SCUBE1: variants seen among roughly 807,000 people sequenced by gnomAD.
The protein encoded by SCUBE1 is signal peptide, CUB and EGF-like domain-containing protein 1.
SCUBE1 carries 59 observed loss-of-function variants against 124.4 expected under a neutral mutation model. That is an observed-to-expected ratio of 0.47 (90% CI 0.38 to 0.59). The LOEUF (loss-of-function observed/expected upper bound fraction) is 0.59. SCUBE1 is among the 20% of genes least tolerant of loss of function. SCUBE1 has a pLI of 0.00. For missense variants in SCUBE1, 1,150 were observed against 1,371.2 expected (o/e 0.84, Z 2.55); for synonymous variants, 545 against 550.9 (o/e 0.99, Z 0.15).
In SCUBE1 at chr22:43,233,063, T is replaced by C. The variant is rs540544127; in HGVS notation, c.845-1188A>G. Among the ~76,000 whole-genome samples the C allele has an allele frequency of 3.3e-5, 5 of 152,288 alleles. No individual in the cohort carries two copies. In the South Asian group the frequency reaches 1.0e-3, roughly 32 times the overall value. ...TTTTATTTCTACACTGCAGGGTGGC[T>C]TAAAAAAATAATCAGTGCTGGCCGG... On this transcript the variant is annotated intron_variant, in intron 7 of 21. Coordinates refer to ENST00000360835, the MANE Select transcript of SCUBE1 (RefSeq NM_173050.5).
chr22:43,283,961 G>A (rs1925028460), intron 4 of SCUBE1: 1 of 152,210 alleles, frequency 6.6e-6, no homozygotes, highest in African/African-American at 2.4e-5. Flanking sequence ...TTAACCAGAG[G>A]TCATCCAGCA....
chr22:43,286,292 C>A (rs1010255216), intron 4 of SCUBE1, among the ~76,000 whole-genome samples: 1 of 152,274 alleles, frequency 6.6e-6, no homozygotes, highest in Non-Finnish European at 1.5e-5. Flanking sequence ...CATGGTAGAG[C>A]TGGGGTTCCA....
intron 2 of SCUBE1, among the ~76,000 whole-genome samples, chr22:43,335,964 GTGA>G (rs1208409315): frequency 1.3e-5 from 2 of 150,046 alleles, no homozygotes; most frequent in African/African-American, 2.5e-5. Flanking sequence ...AATGATGATG[GTGA>G]TGATGATGAT....
chr22:43,322,086 G>A (rs1221762042), intron 2 of SCUBE1, among the ~76,000 whole-genome samples: 1 of 152,122 alleles, frequency 6.6e-6, no homozygotes, highest in Non-Finnish European at 1.5e-5. Context: ...CTGGGTTCAA[G>A]CGATTCGCCT....
rs749662468 is a variant in SCUBE1 at position 43,238,786 on chromosome 22, T to C, written c.844+52A>G. The C allele has an allele frequency of 5.2e-5, 76 of 1,458,888 alleles. No homozygotes were observed. The African/African-American group carries it at 1.0e-3, about 19-fold the overall frequency. The allele number at this position is 1,458,888 out of a possible 1,614,324, so 90.4% of individuals were successfully genotyped here. ...CCCGGCTATGCAAGCACACGGAGGC[T>C]CTTGGCCAGGCCAGTACAGGCAGGG... On this transcript the variant is annotated intron_variant, in intron 7 of 21. Transcript: ENST00000360835.
At position 43,210,553 on chromosome 22, in the gene SCUBE1, AG is replaced by A. The variant is rs933000173; in HGVS notation, c.2384-314del. On this transcript the variant is annotated intron_variant, in intron 18 of 21. Coordinates refer to ENST00000360835, the MANE Select transcript of SCUBE1 (RefSeq NM_173050.5). The surrounding 1 kb of genome is among the most constrained non-coding windows in gnomAD (Gnocchi z 4.5). ...GCTGGGCCTTGTCAGGGGCACTGAG[AG>A]GGCCTGGAGCCCTGCTCTCTCTAGA... Among the ~76,000 whole-genome samples, 3 of 152,140 alleles carry A rather than the reference AG, an allele frequency of 2.0e-5. No individual in the cohort carries two copies. The highest frequency in any genetic ancestry group is 7.2e-5 in the African/African-American group (3 of 41,438).
In SCUBE1 at chr22:43,343,154, C is replaced by G. The variant is rs1043998323; in HGVS notation, c.88+20G>C. On this transcript the variant is annotated intron_variant, in intron 1 of 21. Coordinates refer to ENST00000360835, the MANE Select transcript of SCUBE1 (RefSeq NM_173050.5). Reference sequence around the variant, plus strand: ...CGAGCCCCCCGCGCCCGCCGCCCCCCACCTCGGTCGGGGGCTTACCTGGGA... The same window carrying G: ...CGAGCCCCCCGCGCCCGCCGCCCCCGACCTCGGTCGGGGGCTTACCTGGGA... 3.1e-5 allele frequency: 35 copies of G among 1,136,732 alleles called. No homozygotes were observed. The highest frequency in any genetic ancestry group is 4.5e-5 in the East Asian group (1 of 22,070). 70.4% of individuals were successfully genotyped at this position (1,136,732 alleles called of 1,614,324 possible).
At chr22:43,264,035 T>A (rs1196900245) in intron 4 of SCUBE1, among the ~76,000 whole-genome samples, 1 of 152,312 alleles carries the variant, frequency 6.6e-6, no homozygotes, top group East Asian at 1.9e-4. Flanking sequence ...GGAGGCTGAT[T>A]TGCAGTATTT....
intron 4 of SCUBE1, among the ~76,000 whole-genome samples, chr22:43,275,532 T>C (rs1242650265): frequency 2.0e-5 from 3 of 152,216 alleles, no homozygotes; most frequent in East Asian, 1.9e-4. Context: ...TGGGAGCTCA[T>C]GGACTGGTCC....
At chr22:43,218,697 G>C (rs1003712926) in intron 14 of SCUBE1, among the ~76,000 whole-genome samples, 2 of 152,234 alleles carry the variant, frequency 1.3e-5, no homozygotes, top group African/African-American at 4.8e-5. Flanking sequence ...AATCCAGGCA[G>C]CTGCCACTGC....
rs555573045 is a variant in SCUBE1, at chr22:43,217,987, C to T, written c.1891+268G>A. ...GCCTGTTCTGGTTCCCGTGCCCCCT[C>T]GCGCCCCTCGACTGTGGCCTTGCTG... On this transcript the variant is annotated intron_variant, in intron 15 of 21. Transcript: ENST00000360835. Among the ~76,000 whole-genome samples, 38 of 152,120 alleles carry T rather than the reference C, an allele frequency of 2.5e-4. 1 individual carries two copies. In the South Asian group the frequency reaches 7.7e-3, roughly 31 times the overall value.
intron 2 of SCUBE1, among the ~76,000 whole-genome samples, chr22:43,321,650 G>A (rs1287216685): frequency 2.0e-5 from 3 of 152,240 alleles, no homozygotes; most frequent in Non-Finnish European, 4.4e-5. Flanking sequence ...GCCTGGGCTG[G>A]GTCACCAAAG....
chr22:43,320,918 G>T (rs1308265878), intron 2 of SCUBE1, among the ~76,000 whole-genome samples: 1 of 152,238 alleles, frequency 6.6e-6, no homozygotes, highest in Non-Finnish European at 1.5e-5. Flanking sequence ...GCGTCCTTGG[G>T]AGGGCACCAG....
chr22:43,220,483 A>T lies in SCUBE1; in HGVS notation c.1654T>A (p.Phe552Ile), dbSNP rs1289712926. 6.2e-7 allele frequency: 1 copy of T among 1,613,616 alleles called. No individual in the cohort carries two copies. The highest frequency in any genetic ancestry group is 8.5e-7 in the Non-Finnish European group (1 of 1,179,856). The change falls in exon 14 of 22, where the codon TTT becomes ATT. Residue 552 changes from phenylalanine (F) to isoleucine (I), a missense_variant. Around this residue, in one of 3 missense-constraint regions of SCUBE1, gnomAD observed 757 missense variants for 840.9 expected, o/e 0.90. Coordinates refer to ENST00000360835, the MANE Select transcript of SCUBE1 (RefSeq NM_173050.5). Reference sequence around the variant, plus strand: ...TCTTCCATCTTTGTCTCGATCTCAAACTCTGCTGTGATGTGGGACACCTCC... The same window carrying T: ...TCTTCCATCTTTGTCTCGATCTCAATCTCTGCTGTGATGTGGGACACCTCC... ...SKEVSHITAEFEIETKMEEAS... is the reference protein window; with the variant it reads ...SKEVSHITAEIEIETKMEEAS...
At chr22:43,218,222 T>C (rs372224607) in intron 15 of SCUBE1, 33 bp downstream of exon 15, 2 of 1,601,862 alleles carry the variant, frequency 1.2e-6, no homozygotes, top group Non-Finnish European at 1.7e-6. Context: ...AAGGACAGAG[T>C]CAGCATCTGA....
At chr22:43,291,317 G>A in intron 3 of SCUBE1, 137 bp from the exon 4 acceptor site, 1 of 923,070 alleles carries the variant, frequency 1.1e-6, no homozygotes, top group Non-Finnish European at 1.6e-6. Flanking sequence ...GGCCTCCCTG[G>A]TGCTGTGTGA....
intron 12 of SCUBE1, among the ~76,000 whole-genome samples, chr22:43,221,683 C>T (rs972072319): frequency 3.3e-5 from 5 of 152,206 alleles, no homozygotes; most frequent in East Asian, 3.9e-4. Flanking sequence ...CCAGGACTGC[C>T]GGTTCCTTGC....
chr22:43,231,958 A>G, intron 7 of SCUBE1, 83 bp from the exon 8 acceptor site: 2 of 1,538,388 alleles, frequency 1.3e-6, no homozygotes, highest in Non-Finnish European at 1.8e-6. Flanking sequence ...GGCTAGCGGC[A>G]GGGGATGACA....
intron 3 of SCUBE1, among the ~76,000 whole-genome samples, chr22:43,319,289 G>A (rs1004005493): frequency 2.6e-5 from 4 of 152,084 alleles, no homozygotes; most frequent in African/African-American, 7.2e-5. Context: ...GTGGCTGGCC[G>A]GGCAAGGTGG....
Sources: gnomAD v4.1 joint callset for allele counts (sites outside exome capture counted in the v4.1 genomes callset) on GRCh38, gnomAD v4.1.1 for gene constraint, gnomAD v4.1.1 regional missense constraint, Gnocchi (gnomAD v3.1) non-coding constraint, MANE v1.5 for transcripts, NCBI Gene and HGNC (gene_info 2026-07-23, HGNC 2026-07-21) for gene names.